Variants in NXPE2 observed in about 807,000 individuals in gnomAD.
NXPE2 encodes NXPE family member 2.
Under a neutral mutation model 34.4 loss-of-function variants are expected in NXPE2, and 34 were observed. That is an observed-to-expected ratio of 0.99 (90% CI 0.75 to 1.31). The LOEUF is 1.31. Ranked by LOEUF, NXPE2 falls within the 40% of genes most tolerant of loss-of-function variation. The pLI is 0.00. For synonymous variants in NXPE2, 235 were observed against 231.3 expected (o/e 1.02, Z -0.15); for missense variants, 649 against 672.5 (o/e 0.97, Z 0.39).
At chr11:114,617,950 G>A in the NXPE2 span, among the ~76,000 whole-genome samples, 18 of 150,880 alleles carry the variant, frequency 1.2e-4, no homozygotes, top group African/African-American at 3.4e-4. Flanking sequence ...GTATTGCCTC[G>A]TGGGAAACCA....
At chr11:114,614,101 T>C in the NXPE2 span, among the ~76,000 whole-genome samples, 1 of 151,906 alleles carries the variant, frequency 6.6e-6, no homozygotes, top group South Asian at 2.1e-4. Context: ...TTATAATAAG[T>C]GTTGCCTCGT....
chr11:114,676,386 A>G (rs928694170), upstream of NXPE2, among the ~76,000 whole-genome samples: 35 of 149,454 alleles, frequency 2.3e-4, no homozygotes, highest in South Asian at 2.1e-4. Flanking sequence ...TAAATTAAAT[A>G]TAAAAGAACT....
At chr11:114,741,852 G>A in the NXPE2 span, among the ~76,000 whole-genome samples, 1 of 152,156 alleles carries the variant, frequency 6.6e-6, no homozygotes, top group Non-Finnish European at 1.5e-5. Context: ...TTCCATTGAT[G>A]ATGTCCTGTT....
the NXPE2 span, chr11:114,583,443 T>C: frequency 3.0e-6 from 2 of 669,658 alleles, no homozygotes; most frequent in Non-Finnish European, 5.6e-6. Context: ...GCTGAGGAGA[T>C]GACCAAGTAC....
At chr11:114,529,412 A>C in the NXPE2 span, 1 of 152,266 alleles carries the variant, frequency 6.6e-6, no homozygotes, top group East Asian at 1.9e-4. Context: ...GTTTCATTCT[A>C]ATCAACAAAG....
chr11:114,660,865 T>C, the NXPE2 span, among the ~76,000 whole-genome samples: 1 of 152,214 alleles, frequency 6.6e-6, no homozygotes, highest in Middle Eastern at 3.4e-3. Flanking sequence ...CTACATAAAA[T>C]CTACCAGAAC....
At chr11:114,792,066 GA>G in the NXPE2 span, among the ~76,000 whole-genome samples, 3 of 151,394 alleles carry the variant, frequency 2.0e-5, no homozygotes, top group Admixed American at 6.6e-5. Context: ...TCAAAAAAAA[GA>G]AAAAAAGAAA....
chr11:114,624,000 C>A, the NXPE2 span, among the ~76,000 whole-genome samples: 1 of 152,178 alleles, frequency 6.6e-6, no homozygotes, highest in Non-Finnish European at 1.5e-5. Flanking sequence ...ACCACTGTTA[C>A]CCGGTGGATA....
rs1951303373 is a variant in NXPE2, at chr11:114,698,464, G to C, written c.552G>C (p.Glu184Asp). The change falls in exon 3 of 6, where the codon GAG becomes GAC. Residue 184 changes from glutamate to aspartate, a missense_variant. By Grantham distance (45) the Glu-to-Asp change is conservative. Transcript: ENST00000389586. ...TYLVSFTLFWEGQVSLSLLLI... is the reference protein window; with the variant it reads ...TYLVSFTLFWDGQVSLSLLLI... ...TGGTCAGCTTCACTCTGTTCTGGGA[G>C]GGCCAGGTTTCCCTGTCTCTGCTGC... The C allele has an allele frequency of 6.2e-7, 1 of 1,613,958 alleles. No individual in the cohort carries two copies. The highest frequency in any genetic ancestry group is 1.7e-5 in the Admixed American group (1 of 59,984).
the NXPE2 span, chr11:114,530,972 G>A: frequency 7.0e-7 from 1 of 1,433,040 alleles, no homozygotes; most frequent in South Asian, 1.5e-5. Context: ...TACTTATTAT[G>A]AGTTTGAATA....
At chr11:114,583,992 A>G in the NXPE2 span, 3 of 370,436 alleles carry the variant, frequency 8.1e-6, no homozygotes, top group African/African-American at 2.1e-5. Flanking sequence ...GTCATGTCCA[A>G]AGTAATAGAG....
downstream of NXPE2, among the ~76,000 whole-genome samples, chr11:114,711,417 T>C (rs2135581042): frequency 6.6e-6 from 1 of 152,244 alleles, no homozygotes; most frequent in East Asian, 1.9e-4. Context: ...GGAAATGGAT[T>C]CAGCAAAGTT....
At chr11:114,633,795 C>T in the NXPE2 span, among the ~76,000 whole-genome samples, 14,015 of 152,022 alleles carry the variant, frequency 0.092, 824 homozygotes, top group Middle Eastern at 0.2. Flanking sequence ...GATGTGAACT[C>T]ACCATTTTTT....
the NXPE2 span, chr11:114,571,321 G>A: frequency 5.0e-6 from 8 of 1,613,840 alleles, no homozygotes; most frequent in African/African-American, 1.3e-5. Context: ...TCAATGGCCC[G>A]GGTGAGGTAC....
chr11:114,595,903 A>G, the NXPE2 span: 5 of 152,312 alleles, frequency 3.3e-5, no homozygotes, highest in Non-Finnish European at 7.3e-5. Context: ...ATATGATTTC[A>G]AATTCCTGAA....
chr11:114,635,748 T>C, the NXPE2 span, among the ~76,000 whole-genome samples: 1 of 152,090 alleles, frequency 6.6e-6, no homozygotes, highest in Admixed American at 6.6e-5. Context: ...TTTGGTTCTG[T>C]TTATATGCTG....
the NXPE2 span, among the ~76,000 whole-genome samples, chr11:114,812,831 A>G: frequency 1.3e-5 from 2 of 152,148 alleles, no homozygotes; most frequent in Admixed American, 1.3e-4. Context: ...AAGTGGGAAA[A>G]AAATAGATGC....
the NXPE2 span, among the ~76,000 whole-genome samples, chr11:114,752,741 A>C: frequency 6.6e-6 from 1 of 152,190 alleles, no homozygotes; most frequent in East Asian, 1.9e-4. Context: ...GGAGTCTGGC[A>C]GTTTCAGAGT....
the NXPE2 span, among the ~76,000 whole-genome samples, chr11:114,742,295 C>T: frequency 6.6e-6 from 1 of 152,076 alleles, no homozygotes. Context: ...AAAGCCTGGG[C>T]CCAAGCAGCT....
Sources: gnomAD v4.1 joint callset for allele counts (sites outside exome capture counted in the v4.1 genomes callset) on GRCh38, gnomAD v4.1.1 for gene constraint, MANE v1.5 for transcripts, NCBI Gene and HGNC (gene_info 2026-07-23, HGNC 2026-07-21) for gene names.